PCDH7: variants seen among roughly 807,000 people sequenced by gnomAD.
PCDH7 encodes protocadherin-7.
Under a neutral mutation model 58.9 loss-of-function variants are expected in PCDH7, and 17 were observed. The observed-to-expected ratio is 0.29, with a 90% CI of 0.20 to 0.43. The LOEUF (loss-of-function observed/expected upper bound fraction) is 0.43, where lower values mean the gene tolerates loss of function less well. Among genes scored for constraint, PCDH7 ranks in the 20% least tolerant of loss-of-function variants. The pLI is 1.00. For synonymous variants in PCDH7, 664 were observed against 616.4 expected (o/e 1.08, Z -1.14); for missense variants, 1,274 against 1,441.0 (o/e 0.88, Z 1.88).
chr4:31,132,427 T>G (rs1054397879), intron 3 of PCDH7, among the ~76,000 whole-genome samples: 2 of 152,098 alleles, frequency 1.3e-5, no homozygotes, highest in African/African-American at 4.8e-5. Flanking sequence ...TAAACATCCA[T>G]TCCTGAAGGC....
In PCDH7 at chr4:30,844,887, C is replaced by T. The variant is rs572715818; in HGVS notation, c.71-75266C>T. Reference sequence around the variant, plus strand: ...TCTCTTTTCTACATTTTGAGGGGGACGGAGGTGAGCAATACACCAGAAGTC... The same window carrying T: ...TCTCTTTTCTACATTTTGAGGGGGATGGAGGTGAGCAATACACCAGAAGTC... On this transcript the variant is annotated intron_variant, in intron 1 of 3. Transcript: ENST00000509759. 1.6e-3 allele frequency among the ~76,000 whole-genome samples: 237 copies of T among 152,156 alleles called. 2 individuals carry two copies. Among genetic ancestry groups the T allele is most frequent in the Non-Finnish European group, 8.4e-4 (57 of 68,008 alleles).
rs1273308544 is a variant in PCDH7, at chr4:30,886,276, GA to G, written c.71-33870del. On this transcript the variant is annotated intron_variant, in intron 1 of 3. Transcript: ENST00000509759. ...ACAATGAACTCCAACAAATTTACAA[GA>G]AAAAAACAAACAACCCCATCAAAAA... Among the ~76,000 whole-genome samples, 142 of 148,550 alleles carry G rather than the reference GA, an allele frequency of 9.6e-4. No individual in the cohort carries two copies. In the Middle Eastern group the frequency reaches 0.018, roughly 19 times the overall value.
At chr4:30,824,952 C>A (rs1728917203) in intron 1 of PCDH7, among the ~76,000 whole-genome samples, 1 of 151,870 alleles carries the variant, frequency 6.6e-6, no homozygotes, top group African/African-American at 2.4e-5. Context: ...GGATGAATAC[C>A]CTGACAAATA....
intron 1 of PCDH7, among the ~76,000 whole-genome samples, chr4:30,772,732 CTTA>C (rs1721575142): frequency 1.3e-5 from 2 of 152,172 alleles, no homozygotes; most frequent in Non-Finnish European, 1.5e-5. Flanking sequence ...TAAATAAACA[CTTA>C]CTGTGTGCCC....
At chr4:30,854,379 G>T (rs185371674) in intron 1 of PCDH7, among the ~76,000 whole-genome samples, 1 of 150,806 alleles carries the variant, frequency 6.6e-6, no homozygotes, top group East Asian at 2.0e-4. Context: ...ACTGATTGAA[G>T]AATTTAGGGA....
intron 1 of PCDH7, among the ~76,000 whole-genome samples, chr4:30,863,451 C>G (rs2109355977): frequency 6.6e-6 from 1 of 152,118 alleles, no homozygotes; most frequent in African/African-American, 2.4e-5. Context: ...AGCTAGGTCC[C>G]TACAACAAAT....
At chr4:31,099,862 T>A (rs775005060) in intron 3 of PCDH7, among the ~76,000 whole-genome samples, 2 of 152,138 alleles carry the variant, frequency 1.3e-5, no homozygotes, top group Non-Finnish European at 2.9e-5. Flanking sequence ...GAATGTATTG[T>A]GGTTATATTT....
intron 3 of PCDH7, among the ~76,000 whole-genome samples, chr4:31,030,959 G>T (rs1754861250): frequency 2.0e-5 from 3 of 152,130 alleles, no homozygotes; most frequent in African/African-American, 7.2e-5. Context: ...CTCTCTTGAA[G>T]ATACTGAGGC....
chr4:30,746,799 G>A (rs1717834462), intron 1 of PCDH7, among the ~76,000 whole-genome samples: 1 of 152,140 alleles, frequency 6.6e-6, no homozygotes, highest in Non-Finnish European at 1.5e-5. Flanking sequence ...TTGATGGAAA[G>A]AAGATTTTTT....
chr4:31,038,993 A>G (rs1755631794), intron 3 of PCDH7, among the ~76,000 whole-genome samples: 1 of 152,178 alleles, frequency 6.6e-6, no homozygotes, highest in Non-Finnish European at 1.5e-5. Context: ...GTAAATTAGC[A>G]TATACCAAGT....
intron 1 of PCDH7, among the ~76,000 whole-genome samples, chr4:30,771,599 A>G (rs1402074846): frequency 1.3e-5 from 2 of 152,186 alleles, no homozygotes; most frequent in Non-Finnish European, 2.9e-5. Context: ...TTATACATAA[A>G]TGTGATTTTT....
At chr4:30,753,815 T>A (rs1311197367) in intron 1 of PCDH7, among the ~76,000 whole-genome samples, 2 of 152,124 alleles carry the variant, frequency 1.3e-5, no homozygotes, top group Non-Finnish European at 2.9e-5. Flanking sequence ...CCCAAAAAAA[T>A]AATTACCAGT....
intron 3 of PCDH7, among the ~76,000 whole-genome samples, chr4:31,088,883 T>C (rs1712844759): frequency 6.6e-6 from 1 of 152,042 alleles, no homozygotes; most frequent in South Asian, 2.1e-4. Flanking sequence ...ATGTTTTCAA[T>C]AATAATGTTA....
intron 1 of PCDH7, among the ~76,000 whole-genome samples, chr4:30,836,150 G>A (rs1258110563): frequency 6.6e-6 from 1 of 152,174 alleles, no homozygotes; most frequent in Non-Finnish European, 1.5e-5. Context: ...ACATGAAGAT[G>A]TTGTAAGTAC....
chr4:30,780,591 A>C (rs1422726021), intron 1 of PCDH7, among the ~76,000 whole-genome samples: 1 of 152,112 alleles, frequency 6.6e-6, no homozygotes, highest in Admixed American at 6.5e-5. Context: ...CAAGAGAAAG[A>C]TGATTTAACA....
chr4:31,139,925 T>G (rs1720044763), intron 3 of PCDH7, among the ~76,000 whole-genome samples: 1 of 152,226 alleles, frequency 6.6e-6, no homozygotes, highest in Non-Finnish European at 1.5e-5. Context: ...AAAGTCATGC[T>G]TCTTGGATAG....
chr4:30,721,741 G>C lies in PCDH7; in HGVS notation c.319G>C (p.Glu107Gln). Residue 107 changes from glutamate (E) to glutamine (Q), a missense_variant, in exon 1 of 2, where the codon GAG (glutamate) becomes CAG (glutamine). Glu to Gln is a conservative substitution (Grantham distance 29, BLOSUM62 2). Transcript: ENST00000361762. This position sits in a 1 kb window ranked among gnomAD's most constrained non-coding sequence, Gnocchi z 6.7. Reference sequence around the variant, plus strand: ...GTGTCAGATGATCTTCGACGAGAACGAGTGCTTCCTGGACTTCGAGGTGTC... The same window carrying C: ...GTGTCAGATGATCTTCGACGAGAACCAGTGCTTCCTGGACTTCGAGGTGTC... 1.2e-6 allele frequency: 2 copies of C among 1,613,958 alleles called. No homozygotes were observed. Among genetic ancestry groups the C allele is most frequent in the Non-Finnish European group, 1.7e-6 (2 of 1,180,020 alleles).
chr4:30,721,162 T>G lies in PCDH7; in HGVS notation c.-261T>G. 6.2e-6 allele frequency: 3 copies of G among 483,982 alleles called. No individual in the cohort carries two copies. Among genetic ancestry groups the G allele is most frequent in the Non-Finnish European group, 7.3e-6 (2 of 274,950 alleles). The allele number at this position is 483,982 out of a possible 1,614,324, so 30.0% of individuals were successfully genotyped here. Reference sequence around the variant, plus strand: ...TGAACGGCGGCAGGCGAGCGGGCGATTAGCACCCATTGCATGAATTATGAA... The same window carrying G: ...TGAACGGCGGCAGGCGAGCGGGCGAGTAGCACCCATTGCATGAATTATGAA... On this transcript the variant is annotated 5_prime_UTR_variant, in exon 1 of 2. Coordinates refer to ENST00000361762, the Ensembl canonical transcript of PCDH7. This position sits in a 1 kb window ranked among gnomAD's most constrained non-coding sequence, Gnocchi z 6.7.
rs117571296 is a variant in PCDH7, at chr4:31,071,999, C to T, written c.*8-70474C>T. On this transcript the variant is annotated intron_variant, in intron 3 of 3. Coordinates refer to the PCDH7 transcript ENST00000509759. ...AGCTATGAGTCATGTTTACTGTCTTCGCTTTTCTAAGCTTGGACATGTAAT... is the reference window on the plus strand; with the variant it reads ...AGCTATGAGTCATGTTTACTGTCTTTGCTTTTCTAAGCTTGGACATGTAAT... Among the ~76,000 whole-genome samples, 163 of 152,088 alleles carry T rather than the reference C, an allele frequency of 1.1e-3. 5 individuals are homozygous for T. In the East Asian group the frequency reaches 0.025, roughly 23 times the overall value.
Sources: allele counts gnomAD v4.1 joint callset (sites outside exome capture counted in the v4.1 genomes callset), GRCh38; gene constraint gnomAD v4.1.1; non-coding constraint Gnocchi (gnomAD v3.1); transcripts MANE v1.5; gene names NCBI Gene and HGNC (gene_info 2026-07-23, HGNC 2026-07-21).